COP1: variants seen among roughly 807,000 people sequenced by gnomAD.
The protein encoded by COP1 is E3 ubiquitin-protein ligase COP1.
Under a neutral mutation model 101.3 loss-of-function variants are expected in COP1, and 24 were observed. The ratio of observed to expected loss-of-function variants is 0.24; its 90% CI spans 0.17 to 0.33. The LOEUF (loss-of-function observed/expected upper bound fraction) is 0.33, where lower values mean the gene tolerates loss of function less well. Among genes scored for constraint, COP1 ranks in the 10% least tolerant of loss-of-function variants. The probability of loss-of-function intolerance (pLI) is 1.00; values close to 1 mark genes in which losing one functional copy is unlikely to be tolerated. For missense variants in COP1, 663 were observed against 906.2 expected, an observed-to-expected ratio of 0.73 and a Z score of 3.45; for synonymous variants, 347 against 341.9, an observed-to-expected ratio of 1.01 and a Z score of -0.17.
intron 15 of COP1, among the ~76,000 whole-genome samples, chr1:175,997,808 A>G (rs1660553790): frequency 6.6e-6 from 1 of 152,160 alleles, no homozygotes; most frequent in African/African-American, 2.4e-5. Context: ...GTGGGACTGT[A>G]AACTAGTTCA....
At chr1:176,144,477 ACTGAATAC>A (rs1459051307) in intron 6 of COP1, among the ~76,000 whole-genome samples, 4 of 152,164 alleles carry the variant, frequency 2.6e-5, no homozygotes. Context: ...AGATTAGAAG[ACTGAATAC>A]TGTAAATACA....
intron 18 of COP1, chr1:175,968,483 CT>C (rs779021878): frequency 1.3e-5 from 7 of 519,024 alleles, no homozygotes; most frequent in Non-Finnish European, 2.3e-5. Flanking sequence ...TCGCTGCAAT[CT>C]GTAGACAAAA....
intron 18 of COP1, among the ~76,000 whole-genome samples, chr1:175,955,902 T>A (rs1399145169): frequency 6.6e-6 from 1 of 151,976 alleles, no homozygotes; most frequent in Admixed American, 6.6e-5. Flanking sequence ...GACTCAATAG[T>A]GTCACAATGC....
At chr1:176,199,444 A>T (rs935996668) in intron 1 of COP1, among the ~76,000 whole-genome samples, 2 of 152,256 alleles carry the variant, frequency 1.3e-5, no homozygotes, top group Non-Finnish European at 2.9e-5. Context: ...TTTTACCCTA[A>T]AAATGTGAAG....
intron 9 of COP1, among the ~76,000 whole-genome samples, chr1:176,106,458 A>T (rs1453920376): frequency 6.6e-6 from 1 of 151,110 alleles, no homozygotes; most frequent in Non-Finnish European, 1.5e-5. Context: ...ATAAGTTTAT[A>T]AGTTAGGCAG....
At chr1:175,985,946 C>T (rs1464930352) in intron 18 of COP1, among the ~76,000 whole-genome samples, 1 of 151,802 alleles carries the variant, frequency 6.6e-6, no homozygotes, top group African/African-American at 2.4e-5. Flanking sequence ...TGTCAAAAAC[C>T]CAACTAATCA....
At chr1:176,204,514 G>A (rs890270742) in intron 1 of COP1, among the ~76,000 whole-genome samples, 9 of 152,144 alleles carry the variant, frequency 5.9e-5, no homozygotes, top group Non-Finnish European at 1.2e-4. Context: ...TACCCCAAGA[G>A]TCTGGACAAA....
intron 15 of COP1, among the ~76,000 whole-genome samples, chr1:176,001,407 G>A (rs1039092064): frequency 2.0e-5 from 3 of 152,162 alleles, no homozygotes; most frequent in South Asian, 2.1e-4. Flanking sequence ...AAATTTTCTC[G>A]ATTTTTGTTT....
intron 9 of COP1, among the ~76,000 whole-genome samples, chr1:176,112,040 AT>A (rs1205682767): frequency 2.0e-5 from 3 of 152,308 alleles, no homozygotes; most frequent in Admixed American, 2.0e-4. Context: ...CTCTTCTTCC[AT>A]AAGTATTTTC....
At position 176,136,560 on chromosome 1, in the gene COP1, TAG is replaced by T; in HGVS notation, c.832-15_832-14del. On this transcript the variant is annotated splice_polypyrimidine_tract_variant and intron_variant, in intron 6 of 19. Coordinates refer to ENST00000367669, the MANE Select transcript of COP1 (RefSeq NM_022457.7). ...TCTGTTCCAGTTGCTGCAGATTAAA[TAG>T]AGAGAGAAAGACAAAAAAAAAAAAG... 6.5e-7 allele frequency: 1 copy of T among 1,534,970 alleles called. No homozygotes were observed. Among genetic ancestry groups the T allele is most frequent in the Non-Finnish European group, 8.8e-7 (1 of 1,140,158 alleles).
chr1:175,997,898 G>A (rs1307367800), intron 15 of COP1, among the ~76,000 whole-genome samples: 2 of 151,544 alleles, frequency 1.3e-5, no homozygotes, highest in South Asian at 2.1e-4. Flanking sequence ...CCCATTACTG[G>A]GTATATACCC....
intron 15 of COP1, among the ~76,000 whole-genome samples, chr1:176,005,524 T>C (rs1483967548): frequency 2.6e-5 from 4 of 152,174 alleles, no homozygotes; most frequent in African/African-American, 9.7e-5. Flanking sequence ...CTGCTTTGAA[T>C]GTGTCCCAGA....
chr1:176,193,876 GTT>G (rs1699370743), intron 1 of COP1, among the ~76,000 whole-genome samples: 1 of 152,112 alleles, frequency 6.6e-6, no homozygotes, highest in East Asian at 1.9e-4. Context: ...AGTGGTGATG[GTT>G]GTGAAACACT....
intron 6 of COP1, among the ~76,000 whole-genome samples, chr1:176,140,644 GA>G (rs1207293438): frequency 6.6e-6 from 1 of 152,134 alleles, no homozygotes; most frequent in Admixed American, 6.5e-5. Context: ...CCGGGAAGGA[GA>G]ACTTAGAAGA....
At chr1:176,174,682 C>T (rs1254554577) in intron 3 of COP1, among the ~76,000 whole-genome samples, 1 of 152,112 alleles carries the variant, frequency 6.6e-6, no homozygotes, top group African/African-American at 2.4e-5. Context: ...TTTTAAACAA[C>T]AATTTGAGCT....
intron 9 of COP1, among the ~76,000 whole-genome samples, chr1:176,114,477 A>C (rs549601845): frequency 6.6e-6 from 1 of 152,290 alleles, no homozygotes; most frequent in African/African-American, 2.4e-5. Flanking sequence ...TTAGATAAAA[A>C]TAGGTGTACT....
intron 15 of COP1, among the ~76,000 whole-genome samples, chr1:176,016,859 C>G (rs6425372): frequency 0.94 from 142,999 of 152,194 alleles, 67,619 homozygotes; most frequent in East Asian, 1. Flanking sequence ...AATAAACAGA[C>G]AAAGAAACTG....
At chr1:176,096,145 T>G (rs1286111157) in intron 9 of COP1, among the ~76,000 whole-genome samples, 1 of 152,202 alleles carries the variant, frequency 6.6e-6, no homozygotes, top group Admixed American at 6.5e-5. Flanking sequence ...TTAGCTGAAC[T>G]AAGGAGAGAG....
chr1:176,002,600 T>C (rs1323297534), intron 15 of COP1, among the ~76,000 whole-genome samples: 1 of 144,106 alleles, frequency 6.9e-6, no homozygotes, highest in Non-Finnish European at 1.5e-5. Flanking sequence ...AGTGAGAATA[T>C]GCAGTGTTTG....
Sources: allele counts gnomAD v4.1 joint callset (sites outside exome capture counted in the v4.1 genomes callset), GRCh38; gene constraint gnomAD v4.1.1; transcripts MANE v1.5; gene names NCBI Gene and HGNC (gene_info 2026-07-23, HGNC 2026-07-21).